Variants in SIPA1L1 observed in about 807,000 individuals in gnomAD.
The protein encoded by SIPA1L1 is signal-induced proliferation-associated 1-like protein 1.
A neutral mutation model predicts 162.7 loss-of-function variants in SIPA1L1; 26 were observed. The observed-to-expected ratio is 0.16, with a 90% confidence interval of 0.12 to 0.22. The LOEUF is 0.22. Ranked by LOEUF, SIPA1L1 falls within the 10% of genes least tolerant of loss-of-function variation. SIPA1L1 has a pLI of 1.00. For missense variants in SIPA1L1, 1,874 were observed against 2,241.0 expected, an observed-to-expected ratio of 0.84 and a Z score of 3.31; for synonymous variants, 829 against 837.4, an observed-to-expected ratio of 0.99 and a Z score of 0.17.
intron 7 of SIPA1L1, among the ~76,000 whole-genome samples, chr14:71,638,441 C>T (rs961198305): frequency 2.0e-5 from 3 of 152,058 alleles, no homozygotes; most frequent in East Asian, 3.8e-4. Flanking sequence ...AGAAAAATCA[C>T]GTGGTAATAT....
intron 12 of SIPA1L1, among the ~76,000 whole-genome samples, chr14:71,678,019 A>G (rs1277319040): frequency 6.6e-6 from 1 of 152,186 alleles, no homozygotes. Context: ...GAAGTTGCTT[A>G]TCAGCTTAAG....
At chr14:71,722,495 G>T (rs1217967784) in intron 17 of SIPA1L1, among the ~76,000 whole-genome samples, 2 of 152,200 alleles carry the variant, frequency 1.3e-5, no homozygotes, top group Non-Finnish European at 2.9e-5. Flanking sequence ...GTTGTAGCAA[G>T]AGTCAGCCAT....
intron 12 of SIPA1L1, among the ~76,000 whole-genome samples, chr14:71,675,994 A>C (rs1161960016): frequency 1.3e-5 from 2 of 150,942 alleles, no homozygotes; most frequent in Non-Finnish European, 3.0e-5. Flanking sequence ...AACATGTAAA[A>C]GCCTGTAATC....
At chr14:71,477,818 T>C (rs760189714) in intron 2 of SIPA1L1, among the ~76,000 whole-genome samples, 1 of 152,136 alleles carries the variant, frequency 6.6e-6, no homozygotes, top group Non-Finnish European at 1.5e-5. Flanking sequence ...CTGTGAACAT[T>C]TGTGTTTTAG....
chr14:71,460,524 C>T (rs1301291753), intron 2 of SIPA1L1, among the ~76,000 whole-genome samples: 1 of 152,140 alleles, frequency 6.6e-6, no homozygotes, highest in Non-Finnish European at 1.5e-5. Flanking sequence ...CACTGTAACT[C>T]CCTTCTTAGT....
chr14:71,635,501 A>G (rs1567363324), intron 7 of SIPA1L1, among the ~76,000 whole-genome samples: 1 of 152,248 alleles, frequency 6.6e-6, no homozygotes, highest in Non-Finnish European at 1.5e-5. Context: ...AAAGAGAGGT[A>G]AAGTTTCTAC....
At chr14:71,446,141 G>A (rs2045324263) in intron 2 of SIPA1L1, among the ~76,000 whole-genome samples, 1 of 152,100 alleles carries the variant, frequency 6.6e-6, no homozygotes, top group Non-Finnish European at 1.5e-5. Context: ...GAGACACCAT[G>A]CCTGGCTCAC....
At chr14:71,524,822 A>G (rs1280258112) in intron 3 of SIPA1L1, among the ~76,000 whole-genome samples, 1 of 152,128 alleles carries the variant, frequency 6.6e-6, no homozygotes, top group African/African-American at 2.4e-5. Flanking sequence ...CTCAGATATG[A>G]CCGACTCATT....
intron 2 of SIPA1L1, among the ~76,000 whole-genome samples, chr14:71,472,506 A>G (rs76962691): frequency 0.022 from 3,344 of 152,078 alleles, 118 homozygotes; most frequent in African/African-American, 0.076. Flanking sequence ...AGTTTGTGCT[A>G]TACTCTAATA....
chr14:71,454,105 T>A (rs1165322384), intron 2 of SIPA1L1, among the ~76,000 whole-genome samples: 2 of 151,170 alleles, frequency 1.3e-5, no homozygotes, highest in Non-Finnish European at 2.9e-5. Context: ...GAACAAACCC[T>A]GTGTTCCCAG....
At chr14:71,466,721 A>G (rs984136913) in intron 2 of SIPA1L1, among the ~76,000 whole-genome samples, 8 of 152,128 alleles carry the variant, frequency 5.3e-5, no homozygotes, top group Non-Finnish European at 1.5e-5. Context: ...CTTAAGTAGT[A>G]TTTATTGTGT....
chr14:71,520,143 C>T (rs547908122), intron 3 of SIPA1L1, among the ~76,000 whole-genome samples: 4 of 152,030 alleles, frequency 2.6e-5, no homozygotes, highest in South Asian at 2.1e-4. Context: ...AATGAAATGC[C>T]GTTAATTGAA....
intron 2 of SIPA1L1, among the ~76,000 whole-genome samples, chr14:71,334,161 C>A (rs2034847720): frequency 6.6e-6 from 1 of 152,056 alleles, no homozygotes; most frequent in African/African-American, 2.4e-5. Context: ...GGCAGCTGGG[C>A]AGGTCTGTCA....
intron 2 of SIPA1L1, among the ~76,000 whole-genome samples, chr14:71,369,594 G>A (rs1295563527): frequency 1.3e-5 from 1 of 76,774 alleles, no homozygotes; most frequent in African/African-American, 5.4e-5. Flanking sequence ...GTCAGGTAGT[G>A]TGATGCCTCC....
Position 71,547,537 on chromosome 14 carries a change from G to A in SIPA1L1, c.-303+18167G>A, listed in dbSNP as rs531126855. Among the ~76,000 whole-genome samples, 34 of 152,096 alleles carry A rather than the reference G, an allele frequency of 2.2e-4. No homozygotes were observed. In the South Asian group the frequency reaches 4.8e-3, roughly 21 times the overall value. On this transcript the variant is annotated intron_variant, in intron 4 of 23. Transcript: ENST00000381232. ...TCGAACTCCGTACCTCAGGTGATCC[G>A]TGCGCGTTGGCCTCCCAAAGTGCTG...
intron 2 of SIPA1L1, among the ~76,000 whole-genome samples, chr14:71,497,425 AAT>A (rs1392599880): frequency 6.6e-6 from 1 of 152,186 alleles, no homozygotes; most frequent in African/African-American, 2.4e-5. Flanking sequence ...CTTTCATTAT[AAT>A]AAAGATTCAG....
chr14:71,622,250 A>T (rs187314941), intron 6 of SIPA1L1, among the ~76,000 whole-genome samples: 3 of 152,266 alleles, frequency 2.0e-5, no homozygotes, highest in Admixed American at 6.5e-5. Flanking sequence ...AAGAAGATAT[A>T]TACCTTTGTA....
chr14:71,366,189 A>G (rs1281568054), intron 2 of SIPA1L1, among the ~76,000 whole-genome samples: 1 of 152,126 alleles, frequency 6.6e-6, no homozygotes, highest in African/African-American at 2.4e-5. Flanking sequence ...AGCTACAGAT[A>G]ATTACTGTTG....
chr14:71,588,633 G>A lies in SIPA1L1; in HGVS notation c.761G>A (p.Gly254Asp). The A allele has an allele frequency of 1.2e-6, 2 of 1,614,054 alleles. No individual in the cohort carries two copies. The highest frequency in any genetic ancestry group is 1.7e-6 in the Non-Finnish European group (2 of 1,179,970). ...SDFLITGGGK[G>D]SGFSLDVIDG... ...TTTCTCATTACTGGTGGTGGCAAGG[G>A]TTCTGGTTTCTCTTTGGATGTAATA... Residue 254 changes from glycine to aspartate, a missense_variant, in exon 5 of 24, where the codon GGT becomes GAT. By Grantham distance (94) the Gly-to-Asp change is moderately conservative. Coordinates refer to ENST00000381232, the MANE Select transcript of SIPA1L1 (RefSeq NM_001386936.1). The surrounding 1 kb of genome is among the most constrained non-coding windows in gnomAD (Gnocchi z 4.3).
Sources: gnomAD v4.1 joint callset for allele counts (sites outside exome capture counted in the v4.1 genomes callset) on GRCh38, gnomAD v4.1.1 for gene constraint, Gnocchi (gnomAD v3.1) non-coding constraint, MANE v1.5 for transcripts, NCBI Gene and HGNC (gene_info 2026-07-23, HGNC 2026-07-21) for gene names.